The following UXS1 variants were observed in gnomAD, a reference collection of about 807,000 sequenced individuals.
UXS1 encodes UDP-glucuronic acid decarboxylase 1.
A neutral mutation model predicts 62.6 loss-of-function variants in UXS1; 33 were observed. The ratio of observed to expected loss-of-function variants is 0.53; its 90% CI spans 0.40 to 0.70. The LOEUF is 0.70. UXS1 is among the 30% of genes least tolerant of loss of function. The pLI is 0.00. For synonymous variants in UXS1, 213 were observed against 206.8 expected, an observed-to-expected ratio of 1.03 and a Z score of -0.26; for missense variants, 434 against 556.3, an observed-to-expected ratio of 0.78 and a Z score of 2.21.
At chr2:106,120,342 G>A (rs779210312) in intron 9 of UXS1, among the ~76,000 whole-genome samples, 2 of 152,156 alleles carry the variant, frequency 1.3e-5, no homozygotes, top group Non-Finnish European at 2.9e-5. Context: ...CTGCCTCGCA[G>A]CCACCAGAAT....
intron 5 of UXS1, 93 bp downstream of exon 5, chr2:106,157,965 G>T: frequency 8.9e-7 from 1 of 1,119,684 alleles, no homozygotes. Flanking sequence ...TCGTATCTTT[G>T]AGAAGCGTGA....
intron 1 of UXS1, among the ~76,000 whole-genome samples, chr2:106,190,281 A>T (rs1363537869): frequency 6.6e-6 from 1 of 152,204 alleles, no homozygotes; most frequent in Non-Finnish European, 1.5e-5. Flanking sequence ...GCTCCGTGAG[A>T]TTATACCACA....
At chr2:106,151,477 C>T (rs998961979) in intron 5 of UXS1, among the ~76,000 whole-genome samples, 2 of 152,134 alleles carry the variant, frequency 1.3e-5, no homozygotes, top group African/African-American at 2.4e-5. Flanking sequence ...GTTAGGTCCC[C>T]TTTGTCTCTC....
intron 1 of UXS1, among the ~76,000 whole-genome samples, chr2:106,172,298 A>C (rs1315022626): frequency 6.6e-6 from 1 of 152,188 alleles, no homozygotes; most frequent in Non-Finnish European, 1.5e-5. Flanking sequence ...TGGAGCAGCC[A>C]CCACTGGCTA....
chr2:106,176,551 T>C (rs188653816), intron 1 of UXS1, among the ~76,000 whole-genome samples: 2 of 152,310 alleles, frequency 1.3e-5, no homozygotes, highest in African/African-American at 4.8e-5. Context: ...GGCATCATGA[T>C]AGACCAAAGA....
At chr2:106,143,751 T>C (rs1681337193) in intron 6 of UXS1, among the ~76,000 whole-genome samples, 1 of 152,124 alleles carries the variant, frequency 6.6e-6, no homozygotes, top group Non-Finnish European at 1.5e-5. Context: ...AGGGAGCCAT[T>C]CTCAGCTTCC....
chr2:106,158,793 G>A (rs1242569246), intron 4 of UXS1, among the ~76,000 whole-genome samples: 1 of 152,206 alleles, frequency 6.6e-6, no homozygotes, highest in African/African-American at 2.4e-5. Flanking sequence ...TCAAACAGAG[G>A]TCGCAAGATT....
At position 106,101,083 on chromosome 2, in the gene UXS1, C is replaced by T; in HGVS notation, c.959G>A (p.Ser320Asn). Residue 320 changes from serine (S) to asparagine (N), a missense_variant, in exon 12 of 15, where the codon AGC becomes AAC. Physicochemically the swap from Ser to Asn is conservative, Grantham distance 46. This residue lies in a region of UXS1 where 209 missense variants were observed against 233.3 expected (regional missense o/e 0.90). Coordinates refer to ENST00000283148, the MANE Select transcript of UXS1 (RefSeq NM_001253875.2). ...LVNGLVALMN[S>N]NVSSPVNLGN... is the part of the protein sequence containing the mutation. Reference sequence around the variant, plus strand: ...CAGGTTGACCGGGCTGCTGACGTTGCTGTTCATGAGAGCCACGAGGCCATT... The same window carrying T: ...CAGGTTGACCGGGCTGCTGACGTTGTTGTTCATGAGAGCCACGAGGCCATT... 6.2e-7 allele frequency: 1 copy of T among 1,613,866 alleles called. No individual in the cohort carries two copies. The highest frequency in any genetic ancestry group is 8.5e-7 in the Non-Finnish European group (1 of 1,179,884).
chr2:106,127,607 T>A (rs1449669219), intron 7 of UXS1, among the ~76,000 whole-genome samples: 3 of 152,140 alleles, frequency 2.0e-5, no homozygotes, highest in Admixed American at 2.0e-4. Context: ...GAAAGAACTC[T>A]AGCACAGGGT....
chr2:106,100,798 C>T (rs1677527279), intron 12 of UXS1: 3 of 452,342 alleles, frequency 6.6e-6, no homozygotes, highest in African/African-American at 4.0e-5. Flanking sequence ...CACCAAAAGG[C>T]TTCACACAAT....
intron 6 of UXS1, among the ~76,000 whole-genome samples, chr2:106,143,595 C>G (rs540205374): frequency 6.6e-6 from 1 of 152,176 alleles, no homozygotes; most frequent in Admixed American, 6.5e-5. Flanking sequence ...CAGTATGGCT[C>G]AGCTGGTTCT....
At chr2:106,155,678 A>G (rs1319209349) in intron 5 of UXS1, among the ~76,000 whole-genome samples, 1 of 152,224 alleles carries the variant, frequency 6.6e-6, no homozygotes, top group African/African-American at 2.4e-5. Flanking sequence ...AGTCCACTCT[A>G]TGATGCTCAC....
intron 1 of UXS1, among the ~76,000 whole-genome samples, chr2:106,177,393 G>A (rs527607020): frequency 2.0e-4 from 30 of 151,910 alleles, no homozygotes; most frequent in African/African-American, 4.8e-4. Context: ...ATGGGGTTTC[G>A]CCATGTTGGC....
chr2:106,189,696 A>G (rs901640183), intron 1 of UXS1, among the ~76,000 whole-genome samples: 29 of 152,238 alleles, frequency 1.9e-4, no homozygotes, highest in African/African-American at 7.0e-4. Context: ...AAGATGCTAC[A>G]ATCTTCAGAA....
chr2:106,166,042 T>C lies in UXS1; in HGVS notation c.122+14A>G, dbSNP rs1211870426. The C allele has an allele frequency of 2.5e-6, 4 of 1,609,810 alleles. No homozygotes were observed. The Admixed American group carries it at 6.7e-5, about 27-fold the overall frequency. ...AAATCCAACCACAGTACCCAAGTAA[T>C]TAAAAACAATTACCTCATATTAACG... On this transcript the variant is annotated intron_variant, in intron 2 of 14. Coordinates refer to ENST00000283148, the MANE Select transcript of UXS1 (RefSeq NM_001253875.2).
chr2:106,118,871 T>C (rs1047677246), intron 9 of UXS1, among the ~76,000 whole-genome samples: 1 of 152,228 alleles, frequency 6.6e-6, no homozygotes, highest in African/African-American at 2.4e-5. Context: ...ATATAGGATC[T>C]TGACAATAAA....
chr2:106,094,460 T>C (rs1024830745), intron 14 of UXS1, among the ~76,000 whole-genome samples: 3 of 152,204 alleles, frequency 2.0e-5, no homozygotes, highest in Admixed American at 2.0e-4. Context: ...GCTGGTATAA[T>C]GTCTACTCCA....
intron 1 of UXS1, among the ~76,000 whole-genome samples, chr2:106,185,327 T>G (rs1684491234): frequency 6.6e-6 from 1 of 152,208 alleles, no homozygotes. Context: ...GGAAAATTGT[T>G]GAAAATAAAG....
At chr2:106,110,461 C>G (rs1250878278) in intron 10 of UXS1, among the ~76,000 whole-genome samples, 3 of 152,186 alleles carry the variant, frequency 2.0e-5, no homozygotes, top group Admixed American at 2.0e-4. Context: ...CAGCTCTCAT[C>G]TCACAGCATG....
Sources: gnomAD v4.1 joint callset for allele counts (sites outside exome capture counted in the v4.1 genomes callset) on GRCh38, gnomAD v4.1.1 for gene constraint, gnomAD v4.1.1 regional missense constraint, MANE v1.5 for transcripts, NCBI Gene and HGNC (gene_info 2026-07-23, HGNC 2026-07-21) for gene names.